SEC14L1: variants seen among roughly 807,000 people sequenced by gnomAD.
SEC14L1 encodes SEC14-like protein 1.
SEC14L1 carries 48 observed loss-of-function variants against 85.3 expected under a neutral mutation model. The ratio of observed to expected loss-of-function variants is 0.56; its 90% CI spans 0.45 to 0.72. The LOEUF is 0.72. Ranked by LOEUF, SEC14L1 falls within the 30% of genes least tolerant of loss-of-function variation. The probability of loss-of-function intolerance (pLI) is 0.00; values close to 1 mark genes in which losing one functional copy is unlikely to be tolerated. For missense variants in SEC14L1, 682 were observed against 921.4 expected, an observed-to-expected ratio of 0.74 and a Z score of 3.36; for synonymous variants, 391 against 355.5, an observed-to-expected ratio of 1.10 and a Z score of -1.12.
chr17:77,192,425 C>T (rs1057459599), intron 5 of SEC14L1, among the ~76,000 whole-genome samples: 2 of 152,184 alleles, frequency 1.3e-5, no homozygotes, highest in Non-Finnish European at 2.9e-5. Flanking sequence ...AGAGGAAGAG[C>T]CCATAGTCTT....
At chr17:77,141,427 G>C (rs976775606) in intron 1 of SEC14L1, 6 of 148,182 alleles carry the variant, frequency 4.0e-5, no homozygotes, top group Non-Finnish European at 7.4e-5. Context: ...GCCAGTGCCC[G>C]CCCCTCTCTC....
intron 3 of SEC14L1, among the ~76,000 whole-genome samples, chr17:77,109,579 T>C (rs1972002969): frequency 6.6e-6 from 1 of 152,362 alleles, no homozygotes; most frequent in African/African-American, 2.4e-5. Context: ...TTTTGATTTT[T>C]GTCTGGTCTT....
chr17:77,161,874 C>CCCTT (rs939874057), intron 3 of SEC14L1, among the ~76,000 whole-genome samples: 2 of 149,876 alleles, frequency 1.3e-5, no homozygotes, highest in Middle Eastern at 3.2e-3. Context: ...CCCCTCCCCT[C>CCCTT]CCTTCCTTCC....
At chr17:77,185,684 G>A (rs1872079222) in intron 3 of SEC14L1, among the ~76,000 whole-genome samples, 2 of 152,122 alleles carry the variant, frequency 1.3e-5, no homozygotes, top group Admixed American at 1.3e-4. Flanking sequence ...AATGTACAAA[G>A]CCAGTTTTTT....
rs116933072 is a variant in SEC14L1 at position 77,176,550 on chromosome 17, C to T, written c.64-14253C>T. Among the ~76,000 whole-genome samples, 448 of 152,232 alleles carry T rather than the reference C, an allele frequency of 2.9e-3. 9 individuals are homozygous for T. The East Asian group carries it at 0.063, about 21-fold the overall frequency. ...TAATATTGACAACATTATTTTTTCC[C>T]CACTGGATGTCTCTTACACAATAAT... On this transcript the variant is annotated intron_variant, in intron 3 of 16. Transcript: ENST00000436233.
rs572735925 is a variant in SEC14L1, at chr17:77,100,393, CT to C, written c.-136+7059del. Among the ~76,000 whole-genome samples, 146 of 56,084 alleles carry C rather than the reference CT, an allele frequency of 2.6e-3. 3 individuals are homozygous for C. Among genetic ancestry groups the C allele is most frequent in the South Asian group, 4.9e-3 (7 of 1,418 alleles). The allele number at this position is 56,084 out of a possible 152,430, so 36.8% of individuals were successfully genotyped here. On this transcript the variant is annotated intron_variant, in intron 3 of 19. Transcript: ENST00000392476. Reference sequence around the variant, plus strand: ...TTTCCCCTTCCTTGGCTGGCTTTTTCTTTTTTTTTTTTTCTTTTCTTTCTCT... The same window carrying C: ...TTTCCCCTTCCTTGGCTGGCTTTTTCTTTTTTTTTTTTCTTTTCTTTCTCT...
chr17:77,159,926 A>G (rs1973988771), intron 3 of SEC14L1, among the ~76,000 whole-genome samples: 1 of 152,248 alleles, frequency 6.6e-6, no homozygotes, highest in Non-Finnish European at 1.5e-5. Flanking sequence ...GGTAGAGAAG[A>G]TAGAGAATTC....
intron 8 of SEC14L1, among the ~76,000 whole-genome samples, chr17:77,197,924 A>T (rs1385672365): frequency 6.6e-6 from 1 of 152,242 alleles, no homozygotes; most frequent in Non-Finnish European, 1.5e-5. Context: ...CTTTTTAAAG[A>T]CAATGCTAAA....
chr17:77,211,977 T>C lies in SEC14L1; in HGVS notation c.1639T>C (p.Ser547Pro). 2 of 1,614,122 alleles carry C rather than the reference T, an allele frequency of 1.2e-6. No individual in the cohort carries two copies. The highest frequency in any genetic ancestry group is 1.7e-6 in the Non-Finnish European group (2 of 1,180,026). The change falls in exon 15 of 17, where the codon TCA becomes CCA. Residue 547 changes from serine to proline, a missense_variant. Coordinates refer to ENST00000436233, the MANE Select transcript of SEC14L1 (RefSeq NM_001143998.2). ...TCTCATTCAGATTGTGGATGCCTCG[T>C]CAGTCATCACTTGGGATTTCGACGT... ...EILIQIVDAS[S>P]VITWDFDVCK...
chr17:77,189,405 T>A (rs935728927), intron 3 of SEC14L1, among the ~76,000 whole-genome samples: 5 of 152,176 alleles, frequency 3.3e-5, no homozygotes, highest in Admixed American at 3.3e-4. Flanking sequence ...AACTTACTTT[T>A]GGCTTGGTGG....
chr17:77,205,332 T>C lies in SEC14L1; in HGVS notation c.1155T>C (p.Phe385=), dbSNP rs368590338. Residue 385 remains phenylalanine, a synonymous_variant, in exon 11 of 17, where the codon TTT becomes TTC. Transcript: ENST00000436233. ...GATGCGAAGAGAATACAAAAGTCTT[T>C]GGTCGGCCTATCAGGTAGATGTGGG... ...LRRCEENTKV[F]GRPISSWTCL... The C allele has an allele frequency of 1.2e-6, 2 of 1,614,160 alleles. No individual in the cohort carries two copies. Among genetic ancestry groups the C allele is most frequent in the Non-Finnish European group, 1.7e-6 (2 of 1,179,976 alleles).
intron 3 of SEC14L1, among the ~76,000 whole-genome samples, chr17:77,187,812 A>G (rs1975338331): frequency 6.8e-6 from 1 of 147,090 alleles, no homozygotes; most frequent in African/African-American, 2.5e-5. Flanking sequence ...TGGTGCAATC[A>G]CAGGTCACTG....
intron 3 of SEC14L1, among the ~76,000 whole-genome samples, chr17:77,112,869 A>G (rs1015062311): frequency 7.5e-5 from 11 of 146,458 alleles, no homozygotes; most frequent in Non-Finnish European, 1.4e-4. Flanking sequence ...GCGAGACTCA[A>G]AAAAAAAAAA....
chr17:77,207,508 G>C (rs1374682955), intron 13 of SEC14L1, among the ~76,000 whole-genome samples: 2 of 152,100 alleles, frequency 1.3e-5, no homozygotes, highest in African/African-American at 4.8e-5. Context: ...CTGGAGTGCA[G>C]TGGTGCAATC....
chr17:77,153,104 G>A (rs144461776), intron 3 of SEC14L1, among the ~76,000 whole-genome samples: 408 of 152,186 alleles, frequency 2.7e-3, no homozygotes, highest in African/African-American at 9.4e-3. Flanking sequence ...AGTTTCACTC[G>A]TCACCCAGGC....
intron 6 of SEC14L1, 109 bp from the exon 7 acceptor site, chr17:77,194,568 T>G: frequency 1.3e-6 from 1 of 780,280 alleles, no homozygotes; most frequent in Non-Finnish European, 2.1e-6. Flanking sequence ...AAAAAAAGAT[T>G]GTGAGGCTCA....
chr17:77,193,838 G>T (rs1356034014), intron 6 of SEC14L1, among the ~76,000 whole-genome samples: 1 of 152,214 alleles, frequency 6.6e-6, no homozygotes, highest in African/African-American at 2.4e-5. Flanking sequence ...CAGCCCCCAG[G>T]CCTTGCTGCA....
Position 77,206,212 on chromosome 17 carries a change from C to G in SEC14L1, c.1170-17C>G. The G allele has an allele frequency of 6.2e-7, 1 of 1,610,880 alleles. No individual in the cohort carries two copies. The highest frequency in any genetic ancestry group is 8.5e-7 in the Non-Finnish European group (1 of 1,177,434). On this transcript the variant is annotated splice_polypyrimidine_tract_variant and intron_variant, in intron 11 of 16. Transcript: ENST00000436233. The surrounding 1 kb of genome is among the most constrained non-coding windows in gnomAD (Gnocchi z 4.3). ...GTGCTGTCTGTTGAATGAAACACAT[C>G]TCTGCACAACCTGCAGCTCATGGAC...
chr17:77,152,263 C>T (rs957228816), intron 3 of SEC14L1, among the ~76,000 whole-genome samples: 4 of 152,112 alleles, frequency 2.6e-5, no homozygotes, highest in East Asian at 1.9e-4. Context: ...TGGCTGGGCA[C>T]GGTGGCTCAT....
Sources: gnomAD v4.1 joint callset for allele counts (sites outside exome capture counted in the v4.1 genomes callset) on GRCh38, gnomAD v4.1.1 for gene constraint, Gnocchi (gnomAD v3.1) non-coding constraint, MANE v1.5 for transcripts, NCBI Gene and HGNC (gene_info 2026-07-23, HGNC 2026-07-21) for gene names.